NHSL3: variants seen among roughly 807,000 people sequenced by gnomAD.
NHSL3 encodes NHS-like protein 3.
the NHSL3 span, chr1:32,765,728 G>A: frequency 1.9e-6 from 3 of 1,546,050 alleles, no homozygotes; most frequent in South Asian, 3.6e-5. Flanking sequence ...GCTCTGGAGA[G>A]GCAGGGTGGG....
chr1:32,756,657 C>CAAA, the NHSL3 span, among the ~76,000 whole-genome samples: 44 of 49,870 alleles, frequency 8.8e-4, no homozygotes, highest in African/African-American at 2.4e-3. Context: ...ACCCTGTCTC[C>CAAA]AAAAAAAAAA....
At chr1:32,765,600 G>A in the NHSL3 span, 1 of 1,501,362 alleles carries the variant, frequency 6.7e-7, no homozygotes. Flanking sequence ...GAAGGTGGGA[G>A]GAGGACATGG....
the NHSL3 span, among the ~76,000 whole-genome samples, chr1:32,752,901 G>GCACACACACA: frequency 2.8e-5 from 2 of 71,622 alleles, no homozygotes; most frequent in African/African-American, 1.2e-4. Flanking sequence ...AAAAAAACAT[G>GCACACACACA]CACACACACA....
chr1:32,772,237 A>G, the NHSL3 span: 1 of 1,605,944 alleles, frequency 6.2e-7, no homozygotes. Context: ...GAAGTCACCT[A>G]AGGCTCCCCC....
chr1:32,753,925 C>T, the NHSL3 span: 1 of 253,732 alleles, frequency 3.9e-6, no homozygotes, highest in Non-Finnish European at 7.8e-6. Context: ...GGCCCGCCCC[C>T]GGCCTGGCCA....
At chr1:32,755,167 A>G in the NHSL3 span, among the ~76,000 whole-genome samples, 1 of 152,218 alleles carries the variant, frequency 6.6e-6, no homozygotes, top group Non-Finnish European at 1.5e-5. Flanking sequence ...AGGAGGGGCT[A>G]TCGAGAGTGC....
the NHSL3 span, chr1:32,769,689 C>T: frequency 6.2e-7 from 1 of 1,613,496 alleles, no homozygotes; most frequent in South Asian, 1.1e-5. Context: ...CCTTCCGACC[C>T]CATGACTCAT....
the NHSL3 span, chr1:32,742,207 T>A: frequency 8.0e-7 from 1 of 1,243,786 alleles, no homozygotes; most frequent in Non-Finnish European, 1.0e-6. Context: ...GGTCGGCACC[T>A]GGGCTGAGCG....
the NHSL3 span, chr1:32,770,307 A>C: frequency 3.1e-6 from 5 of 1,612,394 alleles, no homozygotes; most frequent in East Asian, 1.1e-4. This position sits in a 1 kb window ranked among gnomAD's most constrained non-coding sequence, Gnocchi z 8.3. Context: ...GCCTGCGCAC[A>C]CTAAGCCGCT....
the NHSL3 span, chr1:32,770,697 C>T: frequency 1.3e-6 from 2 of 1,540,900 alleles, no homozygotes; most frequent in Admixed American, 4.0e-5. This position sits in a 1 kb window ranked among gnomAD's most constrained non-coding sequence, Gnocchi z 8.3. Context: ...GGACCCACTC[C>T]CTCCATCAGC....
At chr1:32,754,129 C>A in the NHSL3 span, 23 of 711,566 alleles carry the variant, frequency 3.2e-5, no homozygotes, top group Middle Eastern at 3.5e-4. Context: ...CCCCAGCGGT[C>A]CCCGGGTCCG....
the NHSL3 span, chr1:32,774,233 G>A: frequency 6.6e-6 from 1 of 152,482 alleles, no homozygotes; most frequent in South Asian, 2.1e-4. Context: ...GTCTGGCAAG[G>A]AACCTTGCTT....
At chr1:32,761,771 C>G in the NHSL3 span, among the ~76,000 whole-genome samples, 1 of 151,912 alleles carries the variant, frequency 6.6e-6, no homozygotes, top group Non-Finnish European at 1.5e-5. Context: ...AAATGTCGGT[C>G]TACTGGTCTT....
At chr1:32,758,818 G>A in the NHSL3 span, among the ~76,000 whole-genome samples, 1 of 152,016 alleles carries the variant, frequency 6.6e-6, no homozygotes, top group African/African-American at 2.4e-5. Context: ...CAATTAAGGG[G>A]AAATGAAAGC....
At chr1:32,754,133 G>C in the NHSL3 span, 26 of 712,212 alleles carry the variant, frequency 3.7e-5, no homozygotes, top group East Asian at 6.2e-4. Flanking sequence ...AGCGGTCCCC[G>C]GGTCCGCAGC....
At chr1:32,772,096 ATCT>A in the NHSL3 span, 5 of 1,613,092 alleles carry the variant, frequency 3.1e-6, no homozygotes, top group Non-Finnish European at 4.2e-6. Flanking sequence ...GGCCAGTTTC[ATCT>A]TCTCCAAGGG....
the NHSL3 span, chr1:32,741,857 C>A: frequency 6.4e-6 from 1 of 155,414 alleles, no homozygotes; most frequent in South Asian, 1.8e-4. The surrounding 1 kb of genome is among the most constrained non-coding windows in gnomAD (Gnocchi z 4.3). Flanking sequence ...CTCCGCCGCC[C>A]AAACTTTTCT....
At chr1:32,751,630 G>A in the NHSL3 span, among the ~76,000 whole-genome samples, 1 of 152,138 alleles carries the variant, frequency 6.6e-6, no homozygotes, top group Non-Finnish European at 1.5e-5. Flanking sequence ...CATTAAGGAA[G>A]CACTGAGCTG....
the NHSL3 span, among the ~76,000 whole-genome samples, chr1:32,749,326 GGCA>G: frequency 9.2e-5 from 14 of 152,284 alleles, no homozygotes; most frequent in East Asian, 2.3e-3. Flanking sequence ...ATACCCGAAG[GGCA>G]GAGACTGGGT....
Sources: gnomAD v4.1 joint callset for allele counts (sites outside exome capture counted in the v4.1 genomes callset) on GRCh38, gnomAD v4.1.1 for gene constraint, Gnocchi (gnomAD v3.1) non-coding constraint, MANE v1.5 for transcripts, NCBI Gene and HGNC (gene_info 2026-07-23, HGNC 2026-07-21) for gene names.